The following SLC24A3 variants were observed in gnomAD, a reference collection of about 807,000 sequenced individuals.
SLC24A3 encodes the protein solute carrier family 24 member 3.
A neutral mutation model predicts 75.8 loss-of-function variants in SLC24A3; 28 were observed. The observed-to-expected ratio is 0.37, with a 90% confidence interval of 0.27 to 0.51. The LOEUF (loss-of-function observed/expected upper bound fraction) is 0.51, where lower values mean the gene tolerates loss of function less well. SLC24A3 is among the 20% of genes least tolerant of loss of function. The pLI is 0.94. For synonymous variants in SLC24A3, 372 were observed against 334.1 expected, an observed-to-expected ratio of 1.11 and a Z score of -1.24; for missense variants, 663 against 847.8, an observed-to-expected ratio of 0.78 and a Z score of 2.71.
intron 1 of SLC24A3, among the ~76,000 whole-genome samples, chr20:19,214,719 G>A (rs1981506874): frequency 2.0e-5 from 3 of 152,134 alleles, no homozygotes; most frequent in Admixed American, 6.5e-5. Flanking sequence ...CCTGGGGACT[G>A]GAATGTCATT....
At chr20:19,387,101 A>G (rs1298524955) in intron 2 of SLC24A3, among the ~76,000 whole-genome samples, 1 of 152,122 alleles carries the variant, frequency 6.6e-6, no homozygotes, top group Non-Finnish European at 1.5e-5. Context: ...GAATTTATCC[A>G]TTTATTCTAG....
chr20:19,685,435 A>G, intron 12 of SLC24A3, 74 bp downstream of exon 12: 1 of 1,552,112 alleles, frequency 6.4e-7, no homozygotes, highest in Non-Finnish European at 8.7e-7. Context: ...GACTTAGATT[A>G]TCTTTTTACC....
intron 2 of SLC24A3, among the ~76,000 whole-genome samples, chr20:19,375,407 C>T (rs145577624): frequency 1.3e-4 from 20 of 152,238 alleles, no homozygotes; most frequent in African/African-American, 4.3e-4. Context: ...CATCATGAAC[C>T]GCACGGATCA....
At chr20:19,685,001 T>A (rs2032657103) in intron 11 of SLC24A3, 99 bp from the exon 12 acceptor site, 8 of 1,444,270 alleles carry the variant, frequency 5.5e-6, no homozygotes, top group Non-Finnish European at 7.4e-6. Context: ...TGGAAGCATA[T>A]CGTCAGCTGC....
intron 2 of SLC24A3, among the ~76,000 whole-genome samples, chr20:19,411,373 C>T (rs1250104683): frequency 3.9e-5 from 6 of 152,186 alleles, no homozygotes; most frequent in Admixed American, 3.9e-4. Context: ...CACAAGTCTT[C>T]AGAACTCTGT....
At chr20:19,349,200 C>T (rs1007612164) in intron 2 of SLC24A3, among the ~76,000 whole-genome samples, 4 of 152,196 alleles carry the variant, frequency 2.6e-5, no homozygotes, top group Admixed American at 1.3e-4. Context: ...AGCCAGCATA[C>T]TTGCATTGAC....
intron 6 of SLC24A3, among the ~76,000 whole-genome samples, chr20:19,628,374 A>G (rs2031892630): frequency 6.6e-6 from 1 of 152,112 alleles, no homozygotes; most frequent in African/African-American, 2.4e-5. Flanking sequence ...CTTAACAACA[A>G]TGTATAAACC....
At chr20:19,698,758 TTTGTCTCGGGG>T in intron 15 of SLC24A3, 78 bp downstream of exon 15, 1 of 1,128,616 alleles carries the variant, frequency 8.9e-7, no homozygotes, top group Admixed American at 2.1e-5. Flanking sequence ...CCACAGGGTC[TTTGTCTCGGGG>T]AAAAAGGGGT....
chr20:19,489,882 G>C (rs1244340190), intron 2 of SLC24A3, among the ~76,000 whole-genome samples: 1 of 152,170 alleles, frequency 6.6e-6, no homozygotes. Context: ...GTTCTTCACT[G>C]TTCTGAATAA....
chr20:19,464,652 C>T (rs1037587955), intron 2 of SLC24A3, among the ~76,000 whole-genome samples: 3 of 152,202 alleles, frequency 2.0e-5, no homozygotes, highest in Non-Finnish European at 4.4e-5. Flanking sequence ...AAATTAGCAA[C>T]AATCATAGCA....
At chr20:19,346,064 T>A (rs1985391027) in intron 2 of SLC24A3, among the ~76,000 whole-genome samples, 1 of 4,592 alleles carries the variant, frequency 2.2e-4, no homozygotes, top group East Asian at 0.021. Flanking sequence ...TAAAGAAAAC[T>A]ATATATATAT....
At chr20:19,678,557 G>T (rs1483608772) in intron 9 of SLC24A3, among the ~76,000 whole-genome samples, 1 of 144,230 alleles carries the variant, frequency 6.9e-6, no homozygotes, top group Non-Finnish European at 1.5e-5. Flanking sequence ...TGGCCGGGCA[G>T]AGGGGCTCCT....
At chr20:19,438,994 C>A (rs551949956) in intron 2 of SLC24A3, among the ~76,000 whole-genome samples, 4 of 152,218 alleles carry the variant, frequency 2.6e-5, no homozygotes, top group African/African-American at 4.8e-5. Flanking sequence ...AGTGCATACC[C>A]GGGGGAAGAA....
intron 2 of SLC24A3, among the ~76,000 whole-genome samples, chr20:19,308,825 C>T (rs916544529): frequency 1.3e-5 from 2 of 152,120 alleles, no homozygotes; most frequent in Non-Finnish European, 2.9e-5. Flanking sequence ...CAGTTCCCTC[C>T]ACATCTAGGA....
intron 2 of SLC24A3, among the ~76,000 whole-genome samples, chr20:19,286,268 GC>G (rs1983815838): frequency 6.6e-6 from 1 of 152,166 alleles, no homozygotes; most frequent in Admixed American, 6.5e-5. Context: ...AATGTGAGCT[GC>G]AGTTGACGAG....
At chr20:19,589,358 C>A (rs2031341349) in intron 6 of SLC24A3, among the ~76,000 whole-genome samples, 2 of 152,204 alleles carry the variant, frequency 1.3e-5, no homozygotes, top group Admixed American at 1.3e-4. Context: ...CCACCAGCTT[C>A]CATCATTCAT....
intron 2 of SLC24A3, among the ~76,000 whole-genome samples, chr20:19,366,533 C>A (rs1985894681): frequency 1.3e-5 from 2 of 152,132 alleles, no homozygotes; most frequent in Admixed American, 6.5e-5. Flanking sequence ...AATGACCAGC[C>A]CTTACCCTGA....
intron 2 of SLC24A3, among the ~76,000 whole-genome samples, chr20:19,361,048 C>T (rs948529433): frequency 2.0e-5 from 3 of 152,136 alleles, no homozygotes; most frequent in African/African-American, 4.8e-5. Context: ...AGGATGGTCT[C>T]GATCTCCTGA....
At chr20:19,403,645 C>T (rs2122408934) in intron 2 of SLC24A3, among the ~76,000 whole-genome samples, 1 of 152,286 alleles carries the variant, frequency 6.6e-6, no homozygotes, top group African/African-American at 2.4e-5. Context: ...GCAGGGATGG[C>T]TCTTCTGGGG....
Sources: gnomAD v4.1 joint callset for allele counts (sites outside exome capture counted in the v4.1 genomes callset) on GRCh38, gnomAD v4.1.1 for gene constraint, MANE v1.5 for transcripts, NCBI Gene and HGNC (gene_info 2026-07-23, HGNC 2026-07-21) for gene names.